Variants in SLC4A10 observed in about 807,000 individuals in gnomAD.
The protein encoded by SLC4A10 is solute carrier family 4 member 10.
Under a neutral mutation model 137.7 loss-of-function variants are expected in SLC4A10, and 42 were observed. The observed-to-expected ratio is 0.30, with a 90% CI of 0.24 to 0.39. The LOEUF (loss-of-function observed/expected upper bound fraction) is 0.39, where lower values mean the gene tolerates loss of function less well. Ranked by LOEUF, SLC4A10 falls within the 10% of genes least tolerant of loss-of-function variation. The probability of loss-of-function intolerance (pLI) is 1.00; values close to 1 mark genes in which losing one functional copy is unlikely to be tolerated. For synonymous variants in SLC4A10, 474 were observed against 464.1 expected, an observed-to-expected ratio of 1.02 and a Z score of -0.27; for missense variants, 925 against 1,355.0, an observed-to-expected ratio of 0.68 and a Z score of 4.98.
chr2:161,906,025 C>G (rs995872005), intron 15 of SLC4A10, 138 bp downstream of exon 15: 5 of 1,129,836 alleles, frequency 4.4e-6, no homozygotes, highest in Non-Finnish European at 6.0e-6. Context: ...CTCTCAGAGT[C>G]GAACAGGATT....
intron 9 of SLC4A10, among the ~76,000 whole-genome samples, chr2:161,881,873 T>G (rs528732991): frequency 6.6e-6 from 1 of 152,114 alleles, no homozygotes; most frequent in East Asian, 1.9e-4. Context: ...TGACAATAAT[T>G]TTTTATAATG....
chr2:161,632,875 G>T (rs2033812228), intron 1 of SLC4A10, among the ~76,000 whole-genome samples: 1 of 151,658 alleles, frequency 6.6e-6, no homozygotes, highest in Admixed American at 6.6e-5. Flanking sequence ...CCGTAAGAAT[G>T]CTGGGAGACT....
In SLC4A10 at chr2:161,771,038, G is replaced by A. The variant is rs1400244361; in HGVS notation, c.114G>A (p.Glu38=). The A allele has an allele frequency of 3.7e-6, 6 of 1,601,590 alleles. No homozygotes were observed. The highest frequency in any genetic ancestry group is 1.3e-5 in the African/African-American group (1 of 74,650). Residue 38 remains glutamate, a synonymous_variant, in exon 2 of 27, where the codon GAG becomes GAA. Transcript: ENST00000446997. ...GTRSILKTHF[E]KEDLEGHRTL... ...GTTCTATTCTCAAAACACACTTTGA[G>A]AAAGAAGATTTAGAAGGTAAGACCA... is the stretch of plus-strand genomic sequence containing the variant.
At chr2:161,639,958 A>C (rs1445777349) in intron 1 of SLC4A10, among the ~76,000 whole-genome samples, 2 of 152,210 alleles carry the variant, frequency 1.3e-5, no homozygotes, top group Non-Finnish European at 2.9e-5. Context: ...GCTAATTAGT[A>C]GCACTTTTAT....
In SLC4A10 at chr2:161,810,251, T is replaced by C. The variant is rs184888745; in HGVS notation, c.277+5656T>C. 4.5e-3 allele frequency among the ~76,000 whole-genome samples: 687 copies of C among 152,122 alleles called. 4 individuals carry two copies. Among genetic ancestry groups the C allele is most frequent in the Non-Finnish European group, 7.7e-3 (520 of 67,890 alleles). On this transcript the variant is annotated intron_variant, in intron 3 of 26. Transcript: ENST00000446997. Reference sequence around the variant, plus strand: ...GAAACTTTACTGAAATTGTCAATTCTAGTTGCCTTTTGGTGGAGTCTTTAG... The same window carrying C: ...GAAACTTTACTGAAATTGTCAATTCCAGTTGCCTTTTGGTGGAGTCTTTAG...
At chr2:161,937,241 T>C (rs981247249) in intron 15 of SLC4A10, among the ~76,000 whole-genome samples, 1 of 152,198 alleles carries the variant, frequency 6.6e-6, no homozygotes, top group African/African-American at 2.4e-5. Context: ...GTTAATGATC[T>C]GGACCTTAAA....
intron 1 of SLC4A10, among the ~76,000 whole-genome samples, chr2:161,733,192 A>G (rs1455021369): frequency 6.6e-6 from 1 of 152,210 alleles, no homozygotes; most frequent in African/African-American, 2.4e-5. Flanking sequence ...TCTCCAGGGC[A>G]TGTCAGAGGT....
chr2:161,964,832 C>T (rs1697308050), intron 22 of SLC4A10, among the ~76,000 whole-genome samples: 1 of 151,780 alleles, frequency 6.6e-6, no homozygotes, highest in African/African-American at 2.4e-5. Context: ...TAATAGACTC[C>T]CATATTGGTT....
intron 10 of SLC4A10, 101 bp downstream of exon 10, chr2:161,882,545 CTG>C: frequency 1.6e-6 from 1 of 636,292 alleles, no homozygotes; most frequent in Non-Finnish European, 2.5e-6. Context: ...TCAGATTTCT[CTG>C]TATTGAATCC....
intron 4 of SLC4A10, 73 bp downstream of exon 4, chr2:161,840,000 C>T (rs1256704867): frequency 1.6e-5 from 25 of 1,573,252 alleles, no homozygotes; most frequent in African/African-American, 5.4e-5. Flanking sequence ...ATTTCTAATG[C>T]AACAATTTTG....
At chr2:161,762,548 T>A (rs891383355) in intron 1 of SLC4A10, among the ~76,000 whole-genome samples, 5 of 152,130 alleles carry the variant, frequency 3.3e-5, no homozygotes, top group Admixed American at 3.3e-4. Flanking sequence ...AAATAATGGA[T>A]GCATATGTTG....
intron 7 of SLC4A10, 108 bp from the exon 8 acceptor site, chr2:161,873,808 T>A (rs969785143): frequency 4.5e-6 from 5 of 1,108,782 alleles, no homozygotes; most frequent in Non-Finnish European, 6.5e-6. Context: ...CCTCTGACAA[T>A]GCCTAAATAA....
At chr2:161,658,596 C>CT (rs35686377) in intron 1 of SLC4A10, among the ~76,000 whole-genome samples, 11,428 of 128,308 alleles carry the variant, frequency 0.089, 799 homozygotes, top group East Asian at 0.15. Flanking sequence ...AAATAGTTTC[C>CT]TTTTTTTTTT....
chr2:161,726,751 A>T (rs960254564), intron 1 of SLC4A10, among the ~76,000 whole-genome samples: 4 of 152,262 alleles, frequency 2.6e-5, no homozygotes, highest in Non-Finnish European at 2.9e-5. Context: ...TCTACTAAAA[A>T]TACAAAATTT....
intron 1 of SLC4A10, among the ~76,000 whole-genome samples, chr2:161,634,323 A>T (rs1293472825): frequency 2.0e-5 from 3 of 151,932 alleles, no homozygotes; most frequent in Non-Finnish European, 4.4e-5. Context: ...TTATATCAGG[A>T]TATACATATC....
intron 26 of SLC4A10, among the ~76,000 whole-genome samples, chr2:161,979,371 A>G (rs1699876322): frequency 6.6e-6 from 1 of 152,176 alleles, no homozygotes; most frequent in Admixed American, 6.5e-5. Context: ...AGCAGGTCCA[A>G]TTTTCAATAG....
At chr2:161,671,126 C>T (rs1336333238) in intron 1 of SLC4A10, among the ~76,000 whole-genome samples, 2 of 152,072 alleles carry the variant, frequency 1.3e-5, no homozygotes, top group Admixed American at 6.6e-5. Context: ...TAAAAGGTGG[C>T]GCCTTTAAGA....
chr2:161,696,676 G>A (rs1354934376), intron 1 of SLC4A10, among the ~76,000 whole-genome samples: 1 of 151,924 alleles, frequency 6.6e-6, no homozygotes, highest in Non-Finnish European at 1.5e-5. Flanking sequence ...TGGTGTATAT[G>A]TACCACATTT....
intron 1 of SLC4A10, among the ~76,000 whole-genome samples, chr2:161,635,810 C>T (rs1473818280): frequency 6.6e-6 from 1 of 152,058 alleles, no homozygotes; most frequent in Non-Finnish European, 1.5e-5. Context: ...ATCACTGGTC[C>T]TCTCCAGTTA....
Sources: allele counts gnomAD v4.1 joint callset (sites outside exome capture counted in the v4.1 genomes callset), GRCh38; gene constraint gnomAD v4.1.1; transcripts MANE v1.5; gene names NCBI Gene and HGNC (gene_info 2026-07-23, HGNC 2026-07-21).